PHAF1: variants seen among roughly 807,000 people sequenced by gnomAD.
The protein encoded by PHAF1 is phagosome assembly factor 1.
PHAF1 carries 23 observed loss-of-function variants against 63.1 expected under a neutral mutation model. The ratio of observed to expected loss-of-function variants is 0.36; its 90% CI spans 0.26 to 0.52. The LOEUF (loss-of-function observed/expected upper bound fraction) is 0.52. Ranked by LOEUF, PHAF1 falls within the 20% of genes least tolerant of loss-of-function variation. The pLI is 0.93. For synonymous variants in PHAF1, 167 were observed against 185.0 expected (o/e 0.90, Z 0.79); for missense variants, 427 against 517.2 (o/e 0.83, Z 1.69).
At chr16:67,141,351 C>T (rs754177023) in intron 10 of PHAF1, among the ~76,000 whole-genome samples, 10 of 152,190 alleles carry the variant, frequency 6.6e-5, no homozygotes, top group Non-Finnish European at 1.2e-4. Context: ...CAGGAGGGAA[C>T]AGTGCTGTTG....
At chr16:67,125,902 G>C (rs1171073084) in intron 2 of PHAF1, 57 bp from the exon 3 acceptor site, 1 of 1,238,740 alleles carries the variant, frequency 8.1e-7, no homozygotes, top group Non-Finnish European at 1.2e-6. Context: ...AAGGCTTTCA[G>C]TAGGTGCTTA....
At chr16:67,134,054 A>C (rs1268265388) in intron 6 of PHAF1, 114 bp from the exon 7 acceptor site, 3 of 855,424 alleles carry the variant, frequency 3.5e-6, no homozygotes, top group Non-Finnish European at 5.7e-6. Flanking sequence ...TTAAGGGTGT[A>C]CTTTGACCCT....
intron 2 of PHAF1, among the ~76,000 whole-genome samples, chr16:67,123,718 T>A (rs1251952527): frequency 6.6e-6 from 1 of 152,172 alleles, no homozygotes; most frequent in Non-Finnish European, 1.5e-5. Flanking sequence ...CTTCTTAAAT[T>A]TGGGTCCTGT....
intron 3 of PHAF1, among the ~76,000 whole-genome samples, chr16:67,131,074 T>G (rs569518704): frequency 6.6e-6 from 1 of 152,090 alleles, no homozygotes; most frequent in Non-Finnish European, 1.5e-5. Context: ...GCAACATAGT[T>G]TTTTAGTTTT....
chr16:67,131,390 C>T (rs959495771), intron 4 of PHAF1, 61 bp downstream of exon 4: 29 of 1,202,548 alleles, frequency 2.4e-5, no homozygotes, highest in Non-Finnish European at 3.2e-5. Context: ...TATCTACTAT[C>T]TTCATAAGTT....
At chr16:67,110,394 C>T (rs1962463672) in intron 1 of PHAF1, among the ~76,000 whole-genome samples, 155 bp downstream of exon 1, 1 of 152,132 alleles carries the variant, frequency 6.6e-6, no homozygotes, top group Non-Finnish European at 1.5e-5. Flanking sequence ...TAGATACCCG[C>T]TCCAACTGGC....
intron 3 of PHAF1, among the ~76,000 whole-genome samples, chr16:67,126,892 CTTT>C (rs894357549): frequency 1.6e-5 from 2 of 125,734 alleles, no homozygotes; most frequent in Non-Finnish European, 3.4e-5. Flanking sequence ...CCAGCCCAGT[CTTT>C]TTTTTTTTTT....
intron 1 of PHAF1, among the ~76,000 whole-genome samples, chr16:67,111,660 GCC>G (rs1250694982): frequency 6.6e-6 from 1 of 152,184 alleles, no homozygotes; most frequent in Admixed American, 6.5e-5. Flanking sequence ...TCACTCTGTT[GCC>G]CAGGTTGGAG....
chr16:67,120,542 T>C (rs1275970778), intron 2 of PHAF1, among the ~76,000 whole-genome samples: 5 of 151,354 alleles, frequency 3.3e-5, no homozygotes, highest in African/African-American at 1.2e-4. Flanking sequence ...AAATTGTCTT[T>C]TCTGCTTTTG....
chr16:67,122,604 C>A (rs1052477949), intron 2 of PHAF1, among the ~76,000 whole-genome samples: 2 of 150,672 alleles, frequency 1.3e-5, no homozygotes, highest in Admixed American at 1.3e-4. Context: ...GTTTTTGAGT[C>A]TGAATCCTGA....
chr16:67,120,222 A>C, intron 2 of PHAF1, 28 bp downstream of exon 2: 1 of 1,593,392 alleles, frequency 6.3e-7, no homozygotes, highest in Non-Finnish European at 8.6e-7. Flanking sequence ...TGTTTATTGA[A>C]ATAGCATCCC....
At position 67,141,498 on chromosome 16, in the gene PHAF1, C is replaced by G. The variant is rs1963808615; in HGVS notation, c.879+904C>G. 1.3e-5 allele frequency among the ~76,000 whole-genome samples: 2 copies of G among 152,238 alleles called. 1 individual carries two copies. The highest frequency in any genetic ancestry group is 1.3e-4 in the Admixed American group (2 of 15,284). Reference sequence around the variant, plus strand: ...GCTTGCTCCCGCTGGGCTCATTCAGCTCACTCAGCCTGGCAGGCTGCGCTT... The same window carrying G: ...GCTTGCTCCCGCTGGGCTCATTCAGGTCACTCAGCCTGGCAGGCTGCGCTT... On this transcript the variant is annotated intron_variant, in intron 10 of 15. Transcript: ENST00000219139.
chr16:67,146,643 G>C (rs547136524), intron 15 of PHAF1, among the ~76,000 whole-genome samples: 3 of 152,218 alleles, frequency 2.0e-5, no homozygotes, highest in Non-Finnish European at 4.4e-5. Flanking sequence ...TAGCAGGGAA[G>C]GGAACCACAG....
chr16:67,115,570 G>A (rs1028514796), intron 1 of PHAF1, among the ~76,000 whole-genome samples: 11 of 152,256 alleles, frequency 7.2e-5, no homozygotes, highest in East Asian at 3.8e-4. Flanking sequence ...GGAAGCCATT[G>A]AGAGGTTATA....
At chr16:67,132,663 A>G (rs765479476) in intron 5 of PHAF1, 138 bp downstream of exon 5, 16 of 1,210,828 alleles carry the variant, frequency 1.3e-5, no homozygotes, top group Non-Finnish European at 1.7e-5. Context: ...GTGTGAAGGA[A>G]ACATCCTCCC....
chr16:67,130,298 C>A (rs1201944609), intron 3 of PHAF1, among the ~76,000 whole-genome samples: 5 of 150,870 alleles, frequency 3.3e-5, no homozygotes. Flanking sequence ...CCGCCCGCCT[C>A]GGCCTCCCAA....
intron 9 of PHAF1, 76 bp downstream of exon 9, chr16:67,140,193 A>G (rs1963755783): frequency 1.1e-5 from 17 of 1,503,534 alleles, no homozygotes; most frequent in South Asian, 4.9e-5. Flanking sequence ...ACTGTTTGCT[A>G]TTTTCCCATA....
intron 1 of PHAF1, among the ~76,000 whole-genome samples, chr16:67,116,554 A>G (rs1008522299): frequency 9.9e-5 from 15 of 152,176 alleles, no homozygotes; most frequent in Non-Finnish European, 1.6e-4. Flanking sequence ...TATTTATTCA[A>G]TAGTCACTGT....
At chr16:67,110,277 A>G (rs1486831739) in intron 1 of PHAF1, 38 bp downstream of exon 1, 4 of 1,547,838 alleles carry the variant, frequency 2.6e-6, no homozygotes, top group African/African-American at 1.4e-5. Context: ...CCATTCGCTG[A>G]TCCTTGCTTT....
Sources: gnomAD v4.1 joint callset for allele counts (sites outside exome capture counted in the v4.1 genomes callset) on GRCh38, gnomAD v4.1.1 for gene constraint, MANE v1.5 for transcripts, NCBI Gene and HGNC (gene_info 2026-07-23, HGNC 2026-07-21) for gene names.